SAMMSON: variants seen among roughly 807,000 people sequenced by gnomAD.
SAMMSON encodes long intergenic non-protein coding RNA 1212.
intron 3 of SAMMSON, among the ~76,000 whole-genome samples, chr3:70,046,139 G>A (rs548694631): frequency 6.6e-6 from 1 of 152,212 alleles, no homozygotes; most frequent in Admixed American, 6.5e-5. Flanking sequence ...TCCACTGCAT[G>A]AAAATTAATT....
At chr3:70,361,988 C>A (rs1702874400) in intron 9 of SAMMSON, among the ~76,000 whole-genome samples, 1 of 152,050 alleles carries the variant, frequency 6.6e-6, no homozygotes, top group Admixed American at 6.5e-5. Context: ...TTTAATGTAC[C>A]TATTATGCTT....
chr3:70,084,254 G>A (rs2067277920), intron 4 of SAMMSON, among the ~76,000 whole-genome samples: 1 of 152,110 alleles, frequency 6.6e-6, no homozygotes, highest in African/African-American at 2.4e-5. Flanking sequence ...CTGTTTATTA[G>A]GGGTTACCTC....
intron 2 of SAMMSON, among the ~76,000 whole-genome samples, chr3:70,429,946 A>G (rs907972876): frequency 1.3e-5 from 2 of 152,146 alleles, no homozygotes; most frequent in African/African-American, 4.8e-5. Flanking sequence ...TTCCTATTTG[A>G]ATACACTTTA....
chr3:70,094,514 C>T (rs2067316788), intron 4 of SAMMSON, among the ~76,000 whole-genome samples: 1 of 152,190 alleles, frequency 6.6e-6, no homozygotes, highest in South Asian at 2.1e-4. Context: ...CTCACCTCTC[C>T]CCAATGTCTC....
At chr3:70,232,850 G>A (rs1701573599) in intron 4 of SAMMSON, among the ~76,000 whole-genome samples, 1 of 152,006 alleles carries the variant, frequency 6.6e-6, no homozygotes, top group Non-Finnish European at 1.5e-5. Flanking sequence ...ACAGAAAGAA[G>A]GAAAAAAATC....
chr3:70,204,480 C>A (rs1426412509), intron 4 of SAMMSON: 1 of 152,096 alleles, frequency 6.6e-6, no homozygotes, highest in African/African-American at 2.4e-5. Context: ...TCTCTTTTAT[C>A]CAGGTACCAA....
At chr3:70,433,618 T>C (rs547475563) in intron 2 of SAMMSON, among the ~76,000 whole-genome samples, 2 of 152,282 alleles carry the variant, frequency 1.3e-5, no homozygotes, top group East Asian at 3.9e-4. Flanking sequence ...CCTTTCATTC[T>C]AATAGCTGTC....
At chr3:70,395,216 T>A (rs1701081646) in intron 2 of SAMMSON, among the ~76,000 whole-genome samples, 1 of 152,064 alleles carries the variant, frequency 6.6e-6, no homozygotes, top group Non-Finnish European at 1.5e-5. Flanking sequence ...AAGGTCTCTA[T>A]TGTCCGCTCC....
intron 4 of SAMMSON, among the ~76,000 whole-genome samples, chr3:70,242,773 G>T (rs1701675101): frequency 1.3e-5 from 2 of 152,068 alleles, no homozygotes; most frequent in Non-Finnish European, 2.9e-5. Flanking sequence ...GAATCTTATT[G>T]TGTCAGAGCT....
intron 4 of SAMMSON, among the ~76,000 whole-genome samples, chr3:70,113,736 T>A (rs1370537818): frequency 1.3e-5 from 2 of 152,144 alleles, no homozygotes; most frequent in African/African-American, 4.8e-5. Context: ...GGCCTTACCC[T>A]CAGTTGATGG....
chr3:70,080,712 A>C (rs1195251694), intron 4 of SAMMSON, among the ~76,000 whole-genome samples: 1 of 152,030 alleles, frequency 6.6e-6, no homozygotes, highest in South Asian at 2.1e-4. Context: ...TTTTAACCAA[A>C]TAATTTTTTT....
chr3:70,285,717 C>G (rs1702154838), intron 6 of SAMMSON, among the ~76,000 whole-genome samples: 1 of 150,584 alleles, frequency 6.6e-6, no homozygotes, highest in African/African-American at 2.4e-5. Flanking sequence ...TCTCCAGCAC[C>G]TGTTGTTTCC....
intron 6 of SAMMSON, among the ~76,000 whole-genome samples, chr3:70,282,950 T>C (rs1223304740): frequency 6.6e-6 from 1 of 152,182 alleles, no homozygotes; most frequent in South Asian, 2.1e-4. Flanking sequence ...CTTATAACCA[T>C]TGAGTGTCCA....
intron 4 of SAMMSON, among the ~76,000 whole-genome samples, chr3:70,187,171 C>T (rs141988077): frequency 6.6e-6 from 1 of 152,260 alleles, no homozygotes; most frequent in African/African-American, 2.4e-5. Context: ...TTGATTGATA[C>T]TCTTATAGCA....
At chr3:70,173,753 C>T (rs1309949214) in intron 4 of SAMMSON, among the ~76,000 whole-genome samples, 1 of 151,854 alleles carries the variant, frequency 6.6e-6, no homozygotes, top group Non-Finnish European at 1.5e-5. Context: ...AAAATCATAT[C>T]TCTATTTAGT....
intron 7 of SAMMSON, among the ~76,000 whole-genome samples, chr3:70,331,914 T>A (rs1702624355): frequency 6.6e-6 from 1 of 152,054 alleles, no homozygotes; most frequent in Non-Finnish European, 1.5e-5. Context: ...GGAAACCTCA[T>A]GAGATTTGGT....
intron 7 of SAMMSON, among the ~76,000 whole-genome samples, chr3:70,303,441 G>A (rs966316323): frequency 2.0e-5 from 3 of 152,144 alleles, no homozygotes; most frequent in African/African-American, 7.2e-5. Context: ...AATTCCAGAA[G>A]TGGCGATCTG....
chr3:70,302,383 A>G (rs762398928), intron 7 of SAMMSON, among the ~76,000 whole-genome samples: 2 of 152,154 alleles, frequency 1.3e-5, no homozygotes, highest in African/African-American at 2.4e-5. Flanking sequence ...AAAGTAAAGT[A>G]TCTCTTTGTA....
intron 2 of SAMMSON, among the ~76,000 whole-genome samples, chr3:70,395,331 C>CTTTTTTTTTTTTTTTTTTTTTTTTTTT (rs71126501): frequency 3.5e-5 from 4 of 113,678 alleles, no homozygotes; most frequent in African/African-American, 3.5e-5. Context: ...CTCTCTCTCT[C>CTTTTTTTTTTTTTTTTTTTTTTTTTTT]TTTTTTTTTT....
Sources: allele counts gnomAD v4.1 joint callset (sites outside exome capture counted in the v4.1 genomes callset), GRCh38; gene constraint gnomAD v4.1.1; transcripts MANE v1.5; gene names NCBI Gene and HGNC (gene_info 2026-07-23, HGNC 2026-07-21).